ATG7: variants seen among roughly 807,000 people sequenced by gnomAD.
ATG7 encodes the protein autophagy related 7, also known as ubiquitin-like modifier-activating enzyme ATG7.
ATG7 carries 70 observed loss-of-function variants against 82.4 expected under a neutral mutation model. That is an observed-to-expected ratio of 0.85 (90% CI 0.70 to 1.04). The LOEUF (loss-of-function observed/expected upper bound fraction) is 1.04, where lower values mean the gene tolerates loss of function less well. ATG7 is among the 50% of genes least tolerant of loss of function. The pLI is 0.00. For missense variants in ATG7, 792 were observed against 864.3 expected (o/e 0.92, Z 1.05); for synonymous variants, 287 against 313.0 (o/e 0.92, Z 0.88).
intron 20 of ATG7, among the ~76,000 whole-genome samples, chr3:11,549,557 A>G (rs951776196): frequency 6.6e-6 from 1 of 152,156 alleles, no homozygotes; most frequent in Admixed American, 6.5e-5. Context: ...ACTGAGATTC[A>G]TATGTGTTGT....
intron 20 of ATG7, among the ~76,000 whole-genome samples, chr3:11,483,639 A>G (rs2089274074): frequency 6.6e-6 from 1 of 152,190 alleles, no homozygotes; most frequent in African/African-American, 2.4e-5. Flanking sequence ...AAATCCTTGT[A>G]TATAGAAGTG....
At chr3:11,576,233 C>T in the ATG7 span, among the ~76,000 whole-genome samples, 1 of 152,204 alleles carries the variant, frequency 6.6e-6, no homozygotes, top group African/African-American at 2.4e-5. Flanking sequence ...TCAGATGGGG[C>T]AGGAATCCAT....
intron 20 of ATG7, among the ~76,000 whole-genome samples, chr3:11,532,707 A>AG (rs1490910924): frequency 6.6e-6 from 1 of 152,168 alleles, no homozygotes; most frequent in Non-Finnish European, 1.5e-5. Context: ...TAGGTGACAG[A>AG]GTGAGACCTG....
intron 20 of ATG7, among the ~76,000 whole-genome samples, chr3:11,497,357 C>CTATATATATATATATATATATATATA (rs58838386): frequency 3.1e-4 from 18 of 57,312 alleles, no homozygotes; most frequent in East Asian, 1.0e-3. Flanking sequence ...ACTAAAAATA[C>CTATATATATATATATATATATATATA]TATATATATA....
At chr3:11,472,736 T>C (rs1344582845) in intron 20 of ATG7, among the ~76,000 whole-genome samples, 1 of 152,242 alleles carries the variant, frequency 6.6e-6, no homozygotes, top group African/African-American at 2.4e-5. Context: ...CCAGGACTTT[T>C]GAAAATGGTT....
chr3:11,408,837 T>C (rs925794088), intron 19 of ATG7, among the ~76,000 whole-genome samples: 8 of 152,152 alleles, frequency 5.3e-5, no homozygotes, highest in Non-Finnish European at 1.0e-4. Context: ...AAGATGAGAT[T>C]TGGGTGGGGA....
intron 19 of ATG7, among the ~76,000 whole-genome samples, chr3:11,416,358 TATTA>T (rs1160700321): frequency 2.0e-5 from 3 of 152,208 alleles, no homozygotes; most frequent in Non-Finnish European, 4.4e-5. Flanking sequence ...TTGGGAAGGT[TATTA>T]ATTATTGATT....
intron 20 of ATG7, among the ~76,000 whole-genome samples, chr3:11,511,633 G>A (rs1041106521): frequency 2.0e-5 from 3 of 152,170 alleles, no homozygotes; most frequent in Non-Finnish European, 4.4e-5. Context: ...GGGACTGGGC[G>A]CCGTGAGCAG....
At chr3:11,513,955 C>T (rs1004042137) in intron 20 of ATG7, among the ~76,000 whole-genome samples, 2 of 152,174 alleles carry the variant, frequency 1.3e-5, no homozygotes, top group African/African-American at 2.4e-5. Context: ...TCTTGATCTC[C>T]CACGCTCAAG....
downstream of ATG7, chr3:11,559,247 A>G: frequency 6.9e-7 from 1 of 1,454,714 alleles, no homozygotes; most frequent in Non-Finnish European, 9.1e-7. Context: ...CTCAGGGGCG[A>G]GAGGTTTCAG....
chr3:11,302,878 C>G (rs144855830), intron 5 of ATG7, among the ~76,000 whole-genome samples: 2 of 152,274 alleles, frequency 1.3e-5, no homozygotes, highest in East Asian at 3.9e-4. Flanking sequence ...GATGAATTGT[C>G]AGTCAAGTAG....
At chr3:11,473,035 T>G (rs925857301) in intron 20 of ATG7, among the ~76,000 whole-genome samples, 8 of 152,214 alleles carry the variant, frequency 5.3e-5, no homozygotes, top group Non-Finnish European at 2.9e-5. Context: ...TGACATTCAG[T>G]GACTGCTTGC....
chr3:11,358,382 T>C (rs2076070698), intron 14 of ATG7, 36 bp from the exon 15 acceptor site: 1 of 1,584,964 alleles, frequency 6.3e-7, no homozygotes, highest in African/African-American at 1.3e-5. Context: ...CCTATACCAT[T>C]GCTCCAGACA....
chr3:11,277,138 CCCTT>C (rs1190481662), intron 1 of ATG7: 1 of 152,336 alleles, frequency 6.6e-6, no homozygotes, highest in Admixed American at 6.5e-5. Flanking sequence ...TCCATTTCCT[CCCTT>C]GCTCCCTCAT....
intron 20 of ATG7, among the ~76,000 whole-genome samples, chr3:11,553,247 C>A (rs908299767): frequency 2.6e-5 from 4 of 151,002 alleles, no homozygotes; most frequent in Admixed American, 2.0e-4. Context: ...TGCCTTACCT[C>A]TCTGGGCTTG....
At position 11,548,545 on chromosome 3, in the gene ATG7, A is replaced by G. The variant is rs558344448; in HGVS notation, c.2080-6266A>G. On this transcript the variant is annotated intron_variant, in intron 20 of 20. Coordinates refer to ENST00000693202, the MANE Select transcript of ATG7 (RefSeq NM_001349232.2). Reference sequence around the variant, plus strand: ...CCTGCCCTCTATAGGGAGGCATTTAAATTAATTTCTCCTTTTATCGTTCCT... The same window carrying G: ...CCTGCCCTCTATAGGGAGGCATTTAGATTAATTTCTCCTTTTATCGTTCCT... 5.3e-5 allele frequency among the ~76,000 whole-genome samples: 8 copies of G among 152,356 alleles called. No individual in the cohort carries two copies. In the South Asian group the frequency reaches 1.7e-3, roughly 32 times the overall value.
intron 19 of ATG7, among the ~76,000 whole-genome samples, chr3:11,383,624 AT>A (rs2078085591): frequency 6.6e-6 from 1 of 152,114 alleles, no homozygotes; most frequent in South Asian, 2.1e-4. Context: ...AATTTTTTGT[AT>A]TTTTAGTAGA....
chr3:11,420,753 C>CTTT (rs869277638), intron 19 of ATG7, among the ~76,000 whole-genome samples: 18 of 126,032 alleles, frequency 1.4e-4, no homozygotes, highest in East Asian at 4.9e-4. Context: ...ATACAAAATA[C>CTTT]TTTTTTTTTT....
intron 20 of ATG7, among the ~76,000 whole-genome samples, chr3:11,501,395 T>C (rs2091308342): frequency 6.6e-6 from 1 of 152,256 alleles, no homozygotes; most frequent in African/African-American, 2.4e-5. Flanking sequence ...CTGTTATTAT[T>C]TGTCAGAAGG....
Sources: allele counts gnomAD v4.1 joint callset (sites outside exome capture counted in the v4.1 genomes callset), GRCh38; gene constraint gnomAD v4.1.1; transcripts MANE v1.5; gene names NCBI Gene and HGNC (gene_info 2026-07-23, HGNC 2026-07-21).